FRYL: variants seen among roughly 807,000 people sequenced by gnomAD.
The protein encoded by FRYL is protein furry homolog-like.
In FRYL, 150 loss-of-function variants were observed where a neutral mutation model predicts 351.2. The observed-to-expected ratio is 0.43, with a 90% CI of 0.37 to 0.49. FRYL has a LOEUF of 0.49. Ranked by LOEUF, FRYL falls within the 20% of genes least tolerant of loss-of-function variation. The pLI is 0.00. For synonymous variants in FRYL, 1,153 were observed against 1,257.1 expected (o/e 0.92, Z 1.75); for missense variants, 3,036 against 3,619.3 (o/e 0.84, Z 4.13).
intron 55 of FRYL, among the ~76,000 whole-genome samples, chr4:48,518,251 A>G (rs1173455162): frequency 6.6e-6 from 1 of 152,194 alleles, no homozygotes; most frequent in Non-Finnish European, 1.5e-5. Flanking sequence ...ACTGAAAGGA[A>G]TATAGTCTAC....
intron 1 of FRYL, among the ~76,000 whole-genome samples, chr4:48,715,274 G>A (rs950542353): frequency 1.4e-4 from 21 of 151,748 alleles, no homozygotes; most frequent in Non-Finnish European, 2.2e-4. Context: ...TCTGGCCAGG[G>A]CAATCAGGCA....
rs535725460 is a variant in FRYL, at chr4:48,779,625, C to T, written c.-384+453G>A. Among the ~76,000 whole-genome samples the T allele has an allele frequency of 4.6e-5, 7 of 152,110 alleles. No individual in the cohort carries two copies. The East Asian group carries it at 1.4e-3, about 30-fold the overall frequency. On this transcript the variant is annotated intron_variant, in intron 1 of 63. Coordinates refer to ENST00000358350, the MANE Select transcript of FRYL (RefSeq NM_015030.2). ...GGAGCCGTGGTCGCCGGTCTTCCTC[C>T]ACCTCTGCCACCGCCTTCCTTCCCG...
chr4:48,715,760 T>C (rs1350727727), intron 1 of FRYL, among the ~76,000 whole-genome samples: 1 of 152,150 alleles, frequency 6.6e-6, no homozygotes, highest in African/African-American at 2.4e-5. Context: ...CTTCACAGAA[T>C]TGGAAAAAAA....
rs1350629757 is a variant in FRYL at position 48,544,658 on chromosome 4, ATAAAT to A, written c.5401+120_5401+124del. On this transcript the variant is annotated intron_variant, in intron 43 of 63. Transcript: ENST00000358350. The stretch of plus-strand genomic sequence containing the variant: ...AGTGAAAACAGATCTGTTATCATTA[ATAAAT>A]TAAAAGTCTAAAACTTTTAGAGGTA... The A allele has an allele frequency of 1.6e-5, 11 of 694,606 alleles. No homozygotes were observed. In the African/African-American group the frequency reaches 1.9e-4, roughly 12 times the overall value. 43.0% of individuals were successfully genotyped at this position (694,606 alleles called of 1,614,324 possible). A position where few individuals can be genotyped will look rare whatever the true frequency, so the allele number is the denominator to read the frequency against.
intron 2 of FRYL, among the ~76,000 whole-genome samples, chr4:48,702,773 A>G (rs66796521): frequency 4.3e-5 from 6 of 139,290 alleles, no homozygotes; most frequent in African/African-American, 8.0e-5. Context: ...AAAAAAAAAA[A>G]AAAGAAAAAG....
At chr4:48,631,794 C>T (rs757987005) in intron 4 of FRYL, among the ~76,000 whole-genome samples, 8 of 151,100 alleles carry the variant, frequency 5.3e-5, no homozygotes, top group Non-Finnish European at 1.2e-4. Context: ...TGGCCAGAGG[C>T]GGTGGGTCTA....
intron 7 of FRYL, among the ~76,000 whole-genome samples, chr4:48,611,788 T>C (rs1311970040): frequency 6.6e-6 from 1 of 152,220 alleles, no homozygotes; most frequent in Non-Finnish European, 1.5e-5. Flanking sequence ...TTTCTGGTTT[T>C]GTGCTTTGAC....
intron 2 of FRYL, among the ~76,000 whole-genome samples, chr4:48,700,159 T>C (rs550406483): frequency 4.6e-5 from 7 of 152,252 alleles, no homozygotes; most frequent in South Asian, 2.1e-4. Flanking sequence ...CAGAAGGAGA[T>C]TGTGGTAGAA....
chr4:48,705,070 G>A (rs1486676338), intron 2 of FRYL, among the ~76,000 whole-genome samples: 4 of 151,952 alleles, frequency 2.6e-5, no homozygotes, highest in East Asian at 1.9e-4. Flanking sequence ...GCAGTGAGCC[G>A]AGATCATGCC....
At chr4:48,747,399 A>T (rs1303646068) in intron 1 of FRYL, among the ~76,000 whole-genome samples, 1 of 152,242 alleles carries the variant, frequency 6.6e-6, no homozygotes, top group African/African-American at 2.4e-5. Context: ...TGTAAACAGG[A>T]TGCCAGATGT....
chr4:48,726,560 T>C (rs188234690), intron 1 of FRYL, among the ~76,000 whole-genome samples: 11 of 152,120 alleles, frequency 7.2e-5, no homozygotes, highest in African/African-American at 2.7e-4. Flanking sequence ...CGTATGCCTG[T>C]AATCCCAGCT....
chr4:48,549,457 T>G lies in FRYL; in HGVS notation c.4784+16A>C, dbSNP rs186566886. The G allele has an allele frequency of 1.3e-6, 2 of 1,593,140 alleles. No individual in the cohort carries two copies. Among genetic ancestry groups the G allele is most frequent in the Admixed American group, 3.5e-5 (2 of 57,968 alleles). Reference sequence around the variant, plus strand: ...CAACTTGGTGCATATGTAAAAGGAATGACGCTGTAGTCCACCTGTGAAGAG... The same window carrying G: ...CAACTTGGTGCATATGTAAAAGGAAGGACGCTGTAGTCCACCTGTGAAGAG... On this transcript the variant is annotated intron_variant, in intron 39 of 63. Coordinates refer to ENST00000358350, the MANE Select transcript of FRYL (RefSeq NM_015030.2). The surrounding 1 kb of genome is among the most constrained non-coding windows in gnomAD (Gnocchi z 4.2).
At chr4:48,541,902 T>C in intron 45 of FRYL, 125 bp downstream of exon 45, 1 of 677,838 alleles carries the variant, frequency 1.5e-6, no homozygotes, top group Non-Finnish European at 2.6e-6. Flanking sequence ...ATCTCCCCAC[T>C]GGTAATCCAT....
chr4:48,501,533 T>G, intron 62 of FRYL, 90 bp downstream of exon 62: 3 of 764,656 alleles, frequency 3.9e-6, no homozygotes, highest in Non-Finnish European at 4.5e-6. Context: ...CTAAGTGACT[T>G]TTGACTTAAG....
rs370113251 is a variant in FRYL at position 48,676,295 on chromosome 4, G to A, written c.-81+8378C>T. ...GCTTTTATGAGCTGTAACACTCACC[G>A]CGAAGGTCTGCAGCTTCACTCCTGA... On this transcript the variant is annotated intron_variant, in intron 3 of 63. Coordinates refer to ENST00000358350, the MANE Select transcript of FRYL (RefSeq NM_015030.2). Among the ~76,000 whole-genome samples the A allele has an allele frequency of 6.6e-5, 10 of 152,216 alleles. No homozygotes were observed. The South Asian group carries it at 1.9e-3, about 28-fold the overall frequency.
intron 34 of FRYL, 25 bp downstream of exon 34, chr4:48,557,428 A>T (rs1734373549): frequency 6.2e-7 from 1 of 1,612,132 alleles, no homozygotes; most frequent in African/African-American, 1.3e-5. Flanking sequence ...CTGTGCAGCA[A>T]TTATAAATAC....
intron 49 of FRYL, among the ~76,000 whole-genome samples, chr4:48,531,987 T>C (rs1219850484): frequency 6.6e-6 from 1 of 152,172 alleles, no homozygotes; most frequent in East Asian, 1.9e-4. Flanking sequence ...GTTTTGTATA[T>C]TCCTACCAAT....
At chr4:48,606,168 G>A (rs193286400) in intron 10 of FRYL, among the ~76,000 whole-genome samples, 60 of 151,624 alleles carry the variant, frequency 4.0e-4, no homozygotes, top group African/African-American at 1.3e-3. Flanking sequence ...AACTACTCGG[G>A]TGCCTGAGGC....
chr4:48,733,108 C>G (rs1206717654), intron 1 of FRYL, among the ~76,000 whole-genome samples: 1 of 151,538 alleles, frequency 6.6e-6, no homozygotes, highest in Non-Finnish European at 1.5e-5. Flanking sequence ...AACCCCGTCT[C>G]TACTAAAAAT....
Sources: gnomAD v4.1 joint callset for allele counts (sites outside exome capture counted in the v4.1 genomes callset) on GRCh38, gnomAD v4.1.1 for gene constraint, Gnocchi (gnomAD v3.1) non-coding constraint, MANE v1.5 for transcripts, NCBI Gene and HGNC (gene_info 2026-07-23, HGNC 2026-07-21) for gene names.